Variants in ABCA5 observed in about 807,000 individuals in gnomAD.
ABCA5 encodes cholesterol transporter ABCA5.
Under a neutral mutation model 206.0 loss-of-function variants are expected in ABCA5, and 163 were observed. The ratio of observed to expected loss-of-function variants is 0.79; its 90% CI spans 0.70 to 0.90. The LOEUF (loss-of-function observed/expected upper bound fraction) is 0.90, where lower values mean the gene tolerates loss of function less well. Among genes scored for constraint, ABCA5 ranks in the 40% least tolerant of loss-of-function variants. ABCA5 has a pLI of 0.00. For missense variants in ABCA5, 1,859 were observed against 1,912.9 expected, an observed-to-expected ratio of 0.97 and a Z score of 0.53; for synonymous variants, 609 against 613.8, an observed-to-expected ratio of 0.99 and a Z score of 0.11.
chr17:69,310,066 G>A (rs2075755109), intron 3 of ABCA5, among the ~76,000 whole-genome samples: 1 of 151,968 alleles, frequency 6.6e-6, no homozygotes, highest in Admixed American at 6.6e-5. Context: ...CTAATTTCAG[G>A]CAGCAATAAA....
At chr17:69,279,730 A>G (rs933059940) in intron 18 of ABCA5, among the ~76,000 whole-genome samples, 4 of 152,146 alleles carry the variant, frequency 2.6e-5, no homozygotes, top group African/African-American at 7.2e-5. Context: ...ATAATGCCGC[A>G]TATCTACAAC....
In ABCA5 at chr17:69,249,554, A is replaced by G. The variant is rs978279299; in HGVS notation, c.4765+351T>C. On this transcript the variant is annotated intron_variant, in intron 37 of 38. Transcript: ENST00000392676. ...CTGGACTAACTGCAAAGACTCGATA[A>G]TTAAGCTGACCCTTCTCATAGATGC... 5.6e-5 allele frequency: 13 copies of G among 231,956 alleles called. 1 individual carries two copies. Among genetic ancestry groups the G allele is most frequent in the Non-Finnish European group, 8.3e-6 (1 of 120,370 alleles). The allele number at this position is 231,956 out of a possible 1,614,324, so 14.4% of individuals were successfully genotyped here. A position where few individuals can be genotyped will look rare whatever the true frequency, so the allele number is the denominator to read the frequency against.
At chr17:69,317,906 G>T (rs1483602338) in intron 1 of ABCA5, 2 of 152,074 alleles carry the variant, frequency 1.3e-5, no homozygotes, top group Non-Finnish European at 2.9e-5. Context: ...AGTAACCTAG[G>T]ATCTCTGCAT....
chr17:69,322,342 C>T (rs536282185), intron 1 of ABCA5, among the ~76,000 whole-genome samples: 1 of 101,300 alleles, frequency 9.9e-6, no homozygotes. Flanking sequence ...TCCAGCCTGG[C>T]AACAGAGCAA....
chr17:69,304,631 G>T, intron 7 of ABCA5, 38 bp downstream of exon 7: 2 of 1,471,886 alleles, frequency 1.4e-6, no homozygotes, highest in South Asian at 1.4e-5. Context: ...CAAACATTTT[G>T]ACAGTTCTTT....
At chr17:69,298,438 A>AT (rs956694298) in intron 9 of ABCA5, among the ~76,000 whole-genome samples, 2 of 152,030 alleles carry the variant, frequency 1.3e-5, no homozygotes, top group African/African-American at 4.8e-5. Context: ...TACACTCCTC[A>AT]TTTTTTTCAA....
chr17:69,310,588 A>G (rs2075758869), intron 3 of ABCA5, among the ~76,000 whole-genome samples: 1 of 152,214 alleles, frequency 6.6e-6, no homozygotes, highest in African/African-American at 2.4e-5. Context: ...TTCAAATCCA[A>G]TATTGCTTGT....
At chr17:69,319,034 T>G in intron 1 of ABCA5, 1 of 413,758 alleles carries the variant, frequency 2.4e-6, no homozygotes, top group Non-Finnish European at 4.4e-6. Flanking sequence ...GATGTAAAAA[T>G]TAAGTCATGT....
In ABCA5 at chr17:69,259,722, T is replaced by C; in HGVS notation, c.3715A>G (p.Lys1239Glu). 6.2e-7 allele frequency: 1 copy of C among 1,604,944 alleles called. No individual in the cohort carries two copies. The highest frequency in any genetic ancestry group is 8.5e-7 in the Non-Finnish European group (1 of 1,173,526). The part of the protein sequence containing the change: ...EKKYGGRSIR[K>E]DPFFRNLSTK... Reference sequence around the variant, plus strand: ...TCAACTGACCTGAAAAAGGGATCTTTTCTTATTGATCTGCCTCCATATTTT... The same window carrying C: ...TCAACTGACCTGAAAAAGGGATCTTCTCTTATTGATCTGCCTCCATATTTT... The change falls in exon 28 of 39, where the codon AAA becomes GAA. Residue 1239 changes from lysine to glutamate, a missense_variant. Transcript: ENST00000392676.
chr17:69,274,212 A>G, intron 19 of ABCA5, 84 bp from the exon 20 acceptor site: 1 of 1,308,494 alleles, frequency 7.6e-7, no homozygotes. Context: ...CTTCACATTG[A>G]TATGGACTTT....
At chr17:69,257,505 G>GAA (rs1345502562) in intron 28 of ABCA5, among the ~76,000 whole-genome samples, 2 of 152,058 alleles carry the variant, frequency 1.3e-5, no homozygotes, top group African/African-American at 4.8e-5. Context: ...AAAGGTAAGG[G>GAA]AAAACCCAGA....
At chr17:69,256,456 C>CCTTT (rs1369190607) in intron 28 of ABCA5, among the ~76,000 whole-genome samples, 173 bp from the exon 29 acceptor site, 1 of 137,858 alleles carries the variant, frequency 7.3e-6, no homozygotes, top group African/African-American at 2.7e-5. Context: ...TTCTTTCTTT[C>CCTTT]TTTTTTTTTT....
rs117386167 is a variant in ABCA5 at position 69,298,469 on chromosome 17, T to A, written c.1268-1110A>T. 7.6e-3 allele frequency among the ~76,000 whole-genome samples: 1,158 copies of A among 152,298 alleles called. 9 individuals are homozygous for A. The highest frequency in any genetic ancestry group is 0.013 in the Non-Finnish European group (887 of 68,020). On this transcript the variant is annotated intron_variant, in intron 9 of 38. Coordinates refer to ENST00000392676, the MANE Select transcript of ABCA5 (RefSeq NM_172232.4). ...TTCAAATATCTACTCTTCTTTTAGA[T>A]TGGCCACATTTCAAAGGGATCTGAT...
chr17:69,293,871 TGC>T (rs765001592), intron 11 of ABCA5, among the ~76,000 whole-genome samples: 37,142 of 114,754 alleles, frequency 0.32, 4,941 homozygotes, highest in Non-Finnish European at 0.35. Flanking sequence ...TGTGTGTGTG[TGC>T]GTGTGTGTGT....
chr17:69,277,809 T>G lies in ABCA5; in HGVS notation c.2426A>C (p.Glu809Ala), dbSNP rs1391671776. 1.3e-6 allele frequency: 2 copies of G among 1,577,260 alleles called. No individual in the cohort carries two copies. Among genetic ancestry groups the G allele is most frequent in the East Asian group, 4.7e-5 (2 of 42,896 alleles). The change falls in exon 19 of 39, where the codon GAA (glutamate) becomes GCA (alanine). Residue 809 changes from glutamate (E) to alanine (A), a missense_variant. Transcript: ENST00000392676. ...YSVFTQQPLEEEMDSKSFDEM... is the reference protein window; with the variant it reads ...YSVFTQQPLEAEMDSKSFDEM... Reference sequence around the variant, plus strand: ...ATCAAAAGATTTTGAATCCATTTCTTCCTCCAGTGGCTGCTGAGTAAATAC... The same window carrying G: ...ATCAAAAGATTTTGAATCCATTTCTGCCTCCAGTGGCTGCTGAGTAAATAC...
intron 1 of ABCA5, 81 bp from the exon 2 acceptor site, chr17:69,314,511 C>A: frequency 1.3e-6 from 1 of 798,526 alleles, no homozygotes; most frequent in Non-Finnish European, 2.1e-6. Context: ...AAATAAGCAG[C>A]TGTTTCAGTC....
intron 1 of ABCA5, among the ~76,000 whole-genome samples, chr17:69,322,388 G>A (rs1168145693): frequency 6.4e-3 from 298 of 46,550 alleles, no homozygotes; most frequent in Non-Finnish European, 9.6e-3. Flanking sequence ...AAAAAAAAAA[G>A]TGCTGGTTAC....
chr17:69,304,936 G>C lies in ABCA5; in HGVS notation c.789-126C>G, dbSNP rs2075701205. The C allele has an allele frequency of 3.8e-6, 3 of 799,118 alleles. No homozygotes were observed. In the African/African-American group the frequency reaches 5.4e-5, roughly 14 times the overall value. The allele number at this position is 799,118 out of a possible 1,614,324, so 49.5% of individuals were successfully genotyped here. A position where few individuals can be genotyped will look rare whatever the true frequency, so the allele number is the denominator to read the frequency against. ...TAAAATTAAGTCACTGTTCATTTCT[G>C]TGTATGCTTATGTACTAAAAATTAA... On this transcript the variant is annotated intron_variant, in intron 6 of 38. Coordinates refer to ENST00000392676, the MANE Select transcript of ABCA5 (RefSeq NM_172232.4).
At chr17:69,320,648 C>T (rs918613075) in intron 1 of ABCA5, among the ~76,000 whole-genome samples, 2 of 152,086 alleles carry the variant, frequency 1.3e-5, no homozygotes, top group African/African-American at 4.8e-5. Flanking sequence ...TCTTCATAAA[C>T]CTTTAAACTT....
Sources: gnomAD v4.1 joint callset for allele counts (sites outside exome capture counted in the v4.1 genomes callset) on GRCh38, gnomAD v4.1.1 for gene constraint, MANE v1.5 for transcripts, NCBI Gene and HGNC (gene_info 2026-07-23, HGNC 2026-07-21) for gene names.